The following DCTN2 variants were observed in gnomAD, a reference collection of about 807,000 sequenced individuals.
The protein encoded by DCTN2 is 50 kDa dynein-associated polypeptide.
In DCTN2, 18 loss-of-function variants were observed where a neutral mutation model predicts 55.4. That is an observed-to-expected ratio of 0.32 (90% CI 0.22 to 0.48). The LOEUF is 0.48. Ranked by LOEUF, DCTN2 falls within the 20% of genes least tolerant of loss-of-function variation. DCTN2 has a pLI of 0.99. For synonymous variants in DCTN2, 168 were observed against 185.2 expected (o/e 0.91, Z 0.76); for missense variants, 390 against 491.0 (o/e 0.79, Z 1.94).
In DCTN2 at chr12:57,547,078, G is replaced by C. The variant is rs553831731; in HGVS notation, c.-15C>G. On this transcript the variant is annotated 5_prime_UTR_variant, in exon 1 of 14. Coordinates refer to ENST00000548249, the MANE Select transcript of DCTN2 (RefSeq NM_001261413.2). ...GGGTCCGCCATGGCGGCGGCGAGAC[G>C]GGCTGGGGGACCCGGGCCTCGGTGG... 9.3e-4 allele frequency: 1,179 copies of C among 1,267,736 alleles called. 2 individuals carry two copies. Among genetic ancestry groups the C allele is most frequent in the Non-Finnish European group, 1.1e-3 (1,139 of 998,724 alleles). 78.5% of individuals were successfully genotyped at this position (1,267,736 alleles called of 1,614,324 possible).
At position 57,532,988 on chromosome 12, in the gene DCTN2, A is replaced by G; in HGVS notation, c.770T>C (p.Leu257Pro). The part of the protein sequence containing the change: ...PLSAGLQGAC[L>P]METVELLQAK... ...TCCAGTTTCTTCCAAACTCACCATG[A>G]GACAGGCTCCCTGTAGACCTGCAGA... Residue 257 changes from leucine to proline, a missense_variant, in exon 9 of 14, where the codon CTC becomes CCC. Leu to Pro is a moderately conservative substitution (Grantham distance 98). Around this residue, in one of 2 missense-constraint regions of DCTN2, gnomAD observed 273 missense variants for 303.2 expected, o/e 0.90. Transcript: ENST00000548249. 1 of 1,604,494 alleles carries G rather than the reference A, an allele frequency of 6.2e-7. No homozygotes were observed. The highest frequency in any genetic ancestry group is 8.5e-7 in the Non-Finnish European group (1 of 1,175,398).
chr12:57,544,406 T>A (rs371857262), intron 2 of DCTN2, among the ~76,000 whole-genome samples: 3,446 of 136,096 alleles, frequency 0.025, 136 homozygotes, highest in African/African-American at 0.088. Flanking sequence ...TTTTTTTTTT[T>A]ATTGTTGTAC....
At chr12:57,532,451 A>G (rs1879820536) in intron 11 of DCTN2, 121 bp downstream of exon 11, 1 of 1,346,266 alleles carries the variant, frequency 7.4e-7, no homozygotes, top group African/African-American at 1.4e-5. Flanking sequence ...CAAGCTGATA[A>G]GCTCTTCATA....
chr12:57,541,747 G>A (rs1230439864), intron 2 of DCTN2, among the ~76,000 whole-genome samples: 1 of 152,184 alleles, frequency 6.6e-6, no homozygotes, highest in African/African-American at 2.4e-5. Context: ...TGGGCCCAGG[G>A]GTTAGGGTCG....
chr12:57,532,843 G>C (rs757517164), intron 9 of DCTN2, 33 bp from the exon 10 acceptor site: 1 of 1,613,052 alleles, frequency 6.2e-7, no homozygotes, highest in Non-Finnish European at 8.5e-7. Context: ...GCATCATGAA[G>C]AGGAAAGGCA....
At chr12:57,531,010 A>G (rs1402411696) in intron 13 of DCTN2, among the ~76,000 whole-genome samples, 2 of 152,238 alleles carry the variant, frequency 1.3e-5, no homozygotes, top group African/African-American at 2.4e-5. Flanking sequence ...CAGCCAGAAC[A>G]GTTTTTTAAA....
chr12:57,532,339 G>C (rs1879810455), intron 11 of DCTN2, 24 bp from the exon 12 acceptor site: 9 of 1,551,196 alleles, frequency 5.8e-6, no homozygotes, highest in Non-Finnish European at 7.9e-6. Context: ...ATGGGGCCCA[G>C]AGGGGATGGC....
chr12:57,538,144 G>C (rs1880396704), intron 2 of DCTN2: 1 of 361,910 alleles, frequency 2.8e-6, no homozygotes, highest in East Asian at 6.5e-5. Context: ...GCGGGGAGTA[G>C]AAGAGGGTCA....
intron 2 of DCTN2, among the ~76,000 whole-genome samples, chr12:57,538,857 C>A (rs2140129846): frequency 6.6e-6 from 1 of 152,270 alleles, no homozygotes. Flanking sequence ...TGTTACCAGC[C>A]AGTGGCATGG....
chr12:57,543,064 C>T (rs887921869), intron 2 of DCTN2: 11 of 453,544 alleles, frequency 2.4e-5, no homozygotes, highest in Non-Finnish European at 4.0e-5. Context: ...AAGAAGGTGA[C>T]TGAGGCTGGG....
At chr12:57,546,147 C>T (rs1881134592) in intron 1 of DCTN2, 51 bp from the exon 2 acceptor site, 9 of 1,530,274 alleles carry the variant, frequency 5.9e-6, no homozygotes, top group Middle Eastern at 1.7e-4. Context: ...CATCCAACAA[C>T]ACCCCTTCCC....
At position 57,530,737 on chromosome 12, in the gene DCTN2, C is replaced by G. The variant is rs984526463; in HGVS notation, c.1158G>C (p.Glu386Asp). The G allele has an allele frequency of 4.3e-6, 7 of 1,613,826 alleles. No homozygotes were observed. Among genetic ancestry groups the G allele is most frequent in the African/African-American group, 1.3e-5 (1 of 74,934 alleles). Residue 386 changes from glutamate (E) to aspartate (D), a missense_variant, in exon 14 of 14, where the codon GAG (glutamate) becomes GAC (aspartate). This residue lies in a region of DCTN2 where 273 missense variants were observed against 303.2 expected (regional missense o/e 0.90). Coordinates refer to ENST00000548249, the MANE Select transcript of DCTN2 (RefSeq NM_001261413.2). ...TTMRENLATV[E>D]GNFASIDERM... ...GTTCATCAATGCTGGCAAAGTTCCC[C>G]TCAACTGTGGCCAGGTTTTCACGCA...
In DCTN2 at chr12:57,535,739, C is replaced by T; in HGVS notation, c.202+10G>A. 6.2e-7 allele frequency: 1 copy of T among 1,611,288 alleles called. No individual in the cohort carries two copies. The highest frequency in any genetic ancestry group is 8.5e-7 in the Non-Finnish European group (1 of 1,177,472). ...GTCTTCCCCCCACCCAGCTTCCAGC[C>T]CAGTCTCACCAAGTCCCTTTGTCCC... On this transcript the variant is annotated intron_variant, in intron 3 of 13. Coordinates refer to ENST00000548249, the MANE Select transcript of DCTN2 (RefSeq NM_001261413.2).
At chr12:57,538,409 G>A (rs971075981) in intron 2 of DCTN2, 10 of 700,130 alleles carry the variant, frequency 1.4e-5, no homozygotes, top group Non-Finnish European at 2.6e-5. Flanking sequence ...AAGGCTGGGT[G>A]TGGGACTGAA....
chr12:57,534,456 G>T lies in DCTN2; in HGVS notation c.364-4C>A. 1 of 1,574,924 alleles carries T rather than the reference G, an allele frequency of 6.3e-7. No individual in the cohort carries two copies. The highest frequency in any genetic ancestry group is 2.3e-5 in the East Asian group (1 of 44,026). On this transcript the variant is annotated splice_polypyrimidine_tract_variant and splice_region_variant and intron_variant, in intron 5 of 13. Coordinates refer to ENST00000548249, the MANE Select transcript of DCTN2 (RefSeq NM_001261413.2). ...TGGCTGACTCCTTCACTGTCGTCTA[G>T]TATGAAAAAAGGTAGAAATCGGGGG...
At chr12:57,545,826 C>G (rs1033871761) in intron 2 of DCTN2, among the ~76,000 whole-genome samples, 2 of 152,072 alleles carry the variant, frequency 1.3e-5, no homozygotes, top group African/African-American at 4.8e-5. Context: ...GCTGTAATTC[C>G]GCTGACTTGA....
chr12:57,543,176 G>T, intron 2 of DCTN2: 2 of 370,030 alleles, frequency 5.4e-6, no homozygotes, highest in Non-Finnish European at 1.1e-5. Context: ...ATGAAACCCC[G>T]TCTCTACTAA....
At chr12:57,532,145 T>C (rs774498434) in intron 12 of DCTN2, 39 bp from the exon 13 acceptor site, 18 of 1,552,618 alleles carry the variant, frequency 1.2e-5, no homozygotes, top group Non-Finnish European at 1.6e-5. Context: ...GAATCCAAGA[T>C]AAGGGAGGGG....
intron 7 of DCTN2, 85 bp downstream of exon 7, chr12:57,533,868 G>T: frequency 7.1e-7 from 1 of 1,415,416 alleles, no homozygotes; most frequent in Non-Finnish European, 9.5e-7. Context: ...AGCCTTCCCA[G>T]CACCCTCTCC....
Sources: gnomAD v4.1 joint callset for allele counts (sites outside exome capture counted in the v4.1 genomes callset) on GRCh38, gnomAD v4.1.1 for gene constraint, gnomAD v4.1.1 regional missense constraint, MANE v1.5 for transcripts, NCBI Gene and HGNC (gene_info 2026-07-23, HGNC 2026-07-21) for gene names.